PDZRN4: variants seen among roughly 807,000 people sequenced by gnomAD.
The protein encoded by PDZRN4 is PDZ domain-containing RING finger protein 4.
Under a neutral mutation model 99.0 loss-of-function variants are expected in PDZRN4, and 70 were observed. The observed-to-expected ratio is 0.71, with a 90% CI of 0.58 to 0.86. The LOEUF is 0.86. PDZRN4 is among the 40% of genes least tolerant of loss of function. The probability of loss-of-function intolerance (pLI) is 0.00; values close to 1 mark genes in which losing one functional copy is unlikely to be tolerated. For missense variants in PDZRN4, 1,474 were observed against 1,331.2 expected, an observed-to-expected ratio of 1.11 and a Z score of -1.67; for synonymous variants, 551 against 501.6, an observed-to-expected ratio of 1.10 and a Z score of -1.32.
intron 3 of PDZRN4, among the ~76,000 whole-genome samples, chr12:41,351,577 GGAGA>G (rs767438537): frequency 1.3e-5 from 2 of 152,000 alleles, no homozygotes; most frequent in East Asian, 3.9e-4. Flanking sequence ...ATGGCCAGAA[GGAGA>G]GAGAGAGAAC....
chr12:41,314,987 G>C (rs1457183762), intron 3 of PDZRN4, among the ~76,000 whole-genome samples: 1 of 152,070 alleles, frequency 6.6e-6, no homozygotes, highest in Non-Finnish European at 1.5e-5. Flanking sequence ...TCACCTAGGA[G>C]AACTTGTGAC....
At chr12:41,378,428 A>G (rs1952097363) in intron 3 of PDZRN4, among the ~76,000 whole-genome samples, 1 of 150,458 alleles carries the variant, frequency 6.6e-6, no homozygotes, top group African/African-American at 2.4e-5. Context: ...TTGGCTGGTA[A>G]TTTTCTTTTC....
At chr12:41,298,759 A>G (rs1477878604) in intron 3 of PDZRN4, among the ~76,000 whole-genome samples, 2 of 152,236 alleles carry the variant, frequency 1.3e-5, no homozygotes, top group Non-Finnish European at 2.9e-5. Flanking sequence ...TCTCCTAGAA[A>G]GAAATATAAA....
intron 6 of PDZRN4, among the ~76,000 whole-genome samples, chr12:41,553,360 C>A (rs1331939271): frequency 6.6e-6 from 1 of 152,144 alleles, no homozygotes; most frequent in East Asian, 1.9e-4. Flanking sequence ...AATTGTATTA[C>A]AAGAGATGAT....
chr12:41,249,444 A>T (rs1951154164), intron 3 of PDZRN4, among the ~76,000 whole-genome samples: 1 of 152,176 alleles, frequency 6.6e-6, no homozygotes, highest in South Asian at 2.1e-4. Context: ...CACCATTTGG[A>T]TGCCAGACAA....
rs55927886 is a variant in PDZRN4 at position 41,372,674 on chromosome 12, G to T, written c.844-133782G>T. 3.9e-3 allele frequency among the ~76,000 whole-genome samples: 588 copies of T among 152,248 alleles called. 1 individual carries two copies. The highest frequency in any genetic ancestry group is 0.014 in the African/African-American group (568 of 41,566). On this transcript the variant is annotated intron_variant, in intron 3 of 9. Transcript: ENST00000402685. ...TATTCACATAGGTAGCTAAAATGTT[G>T]ACTGAGGAGTTGGGGGTTGAGGAGG... is the stretch of plus-strand genomic sequence containing the variant.
At chr12:41,451,720 G>A (rs554372197) in intron 3 of PDZRN4, among the ~76,000 whole-genome samples, 3 of 152,234 alleles carry the variant, frequency 2.0e-5, no homozygotes, top group African/African-American at 7.2e-5. Flanking sequence ...CTGAGTAATG[G>A]ACACCTTATC....
chr12:41,279,332 A>G (rs1011218989), intron 3 of PDZRN4, among the ~76,000 whole-genome samples: 9 of 152,250 alleles, frequency 5.9e-5, no homozygotes, highest in African/African-American at 2.2e-4. Context: ...TATTATTTCT[A>G]GTCATCTCAG....
intron 3 of PDZRN4, among the ~76,000 whole-genome samples, chr12:41,353,364 GTC>G (rs976564019): frequency 1.3e-5 from 2 of 151,640 alleles, no homozygotes; most frequent in Non-Finnish European, 2.9e-5. Flanking sequence ...TTTGCAGAAT[GTC>G]CTCCTATATG....
chr12:41,242,726 C>T (rs983424606), intron 3 of PDZRN4, among the ~76,000 whole-genome samples: 7 of 152,104 alleles, frequency 4.6e-5, no homozygotes, highest in African/African-American at 1.7e-4. Flanking sequence ...TTGCTTCACC[C>T]AAAATGTCAG....
chr12:41,333,347 C>T (rs544261240), intron 3 of PDZRN4, among the ~76,000 whole-genome samples: 8 of 152,186 alleles, frequency 5.3e-5, no homozygotes, highest in South Asian at 2.1e-4. Context: ...ACTACCCTCA[C>T]GACCGCCACC....
intron 3 of PDZRN4, among the ~76,000 whole-genome samples, chr12:41,472,367 T>A (rs542070874): frequency 6.6e-6 from 1 of 152,362 alleles, no homozygotes; most frequent in Admixed American, 6.5e-5. Context: ...TACTGTTTAT[T>A]AATCCACTGT....
At chr12:41,342,030 C>A (rs1951822163) in intron 3 of PDZRN4, among the ~76,000 whole-genome samples, 2 of 151,772 alleles carry the variant, frequency 1.3e-5, no homozygotes, top group South Asian at 4.2e-4. Context: ...CAATAAAAAT[C>A]CCAGAAAAAA....
At chr12:41,562,623 A>G (rs1939289192) in intron 7 of PDZRN4, among the ~76,000 whole-genome samples, 1 of 152,130 alleles carries the variant, frequency 6.6e-6, no homozygotes, top group Non-Finnish European at 1.5e-5. Flanking sequence ...AAAGAAAATA[A>G]TTATTAAATA....
At chr12:41,305,087 T>C (rs1324869412) in intron 3 of PDZRN4, among the ~76,000 whole-genome samples, 3 of 152,172 alleles carry the variant, frequency 2.0e-5, no homozygotes, top group African/African-American at 4.8e-5. Flanking sequence ...ATTGGGCTCA[T>C]GACATAAACT....
chr12:41,494,558 T>G (rs1015415150), intron 3 of PDZRN4, among the ~76,000 whole-genome samples: 4 of 151,928 alleles, frequency 2.6e-5, no homozygotes, highest in Admixed American at 2.6e-4. Flanking sequence ...GAAAATAGCA[T>G]CAGTTGCTAT....
intron 9 of PDZRN4, among the ~76,000 whole-genome samples, chr12:41,571,574 G>A (rs979011478): frequency 2.0e-5 from 3 of 152,052 alleles, no homozygotes; most frequent in African/African-American, 7.2e-5. Flanking sequence ...CCCTGGTTAA[G>A]AGTAGAAAAA....
intron 7 of PDZRN4, among the ~76,000 whole-genome samples, chr12:41,563,000 T>C (rs1939298538): frequency 6.6e-6 from 1 of 152,198 alleles, no homozygotes; most frequent in Admixed American, 6.5e-5. Context: ...AGTTAAACAC[T>C]GAGATTTATC....
chr12:41,244,592 C>T (rs1465036544), intron 3 of PDZRN4, among the ~76,000 whole-genome samples: 1 of 152,086 alleles, frequency 6.6e-6, no homozygotes, highest in African/African-American at 2.4e-5. Flanking sequence ...TCAGCAGGTC[C>T]AGCAGACTCC....
Sources: gnomAD v4.1 joint callset for allele counts (sites outside exome capture counted in the v4.1 genomes callset) on GRCh38, gnomAD v4.1.1 for gene constraint, MANE v1.5 for transcripts, NCBI Gene and HGNC (gene_info 2026-07-23, HGNC 2026-07-21) for gene names.